GAS7: variants seen among roughly 807,000 people sequenced by gnomAD.
GAS7 encodes the protein growth arrest specific 7.
Under a neutral mutation model 71.1 loss-of-function variants are expected in GAS7, and 28 were observed. That is an observed-to-expected ratio of 0.39 (90% CI 0.29 to 0.54). The LOEUF (loss-of-function observed/expected upper bound fraction) is 0.54. GAS7 is among the 20% of genes least tolerant of loss of function. GAS7 has a pLI of 0.62. For missense variants in GAS7, 436 were observed against 627.8 expected (o/e 0.69, Z 3.27); for synonymous variants, 258 against 245.8 (o/e 1.05, Z -0.46).
At chr17:9,940,906 T>C (rs558745769) in intron 7 of GAS7, among the ~76,000 whole-genome samples, 1 of 152,336 alleles carries the variant, frequency 6.6e-6, no homozygotes, top group East Asian at 1.9e-4. Flanking sequence ...ACCACCTAAG[T>C]GGTCCTCTGG....
chr17:9,946,979 T>G lies in GAS7; in HGVS notation c.530A>C (p.Asn177Thr). ...KQSKENTITINCVTFPHPDTM... is the reference protein window; with the variant it reads ...KQSKENTITITCVTFPHPDTM... ...GTCTGGGTGAGGGAACGTCACACAG[T>G]TTATCTGTAGGGCACAGAACAAGAA... The change falls in exon 6 of 14, where the codon AAC becomes ACC. Residue 177 changes from asparagine (N) to threonine (T), a missense_variant. Physicochemically the swap from Asn to Thr is moderately conservative, Grantham distance 65. Coordinates refer to ENST00000432992, the MANE Select transcript of GAS7 (RefSeq NM_201433.2). 6.2e-7 allele frequency: 1 copy of G among 1,608,450 alleles called. No homozygotes were observed. Among genetic ancestry groups the G allele is most frequent in the Non-Finnish European group, 8.5e-7 (1 of 1,175,026 alleles).
intron 1 of GAS7, among the ~76,000 whole-genome samples, chr17:10,067,165 G>T (rs997055411): frequency 3.3e-5 from 5 of 152,062 alleles, no homozygotes; most frequent in African/African-American, 1.2e-4. Flanking sequence ...GGCGGGAGTG[G>T]AGTTTCCAGC....
Position 10,025,313 on chromosome 17 carries a change from GGCCACA to G in GAS7, c.184-5422_184-5417del, listed in dbSNP as rs1414894809. Among the ~76,000 whole-genome samples the G allele has an allele frequency of 9.9e-5, 15 of 151,470 alleles. No individual in the cohort carries two copies. The East Asian group carries it at 2.7e-3, about 27-fold the overall frequency. On this transcript the variant is annotated intron_variant, in intron 1 of 13. Coordinates refer to ENST00000432992, the MANE Select transcript of GAS7 (RefSeq NM_201433.2). Reference sequence around the variant, plus strand: ...CTTCTATCCAGTTACCTTAAAGTTGGGCCACATCTCTCCCCAGCTACACCTACTCAG... The same window carrying G: ...CTTCTATCCAGTTACCTTAAAGTTGGTCTCTCCCCAGCTACACCTACTCAG...
chr17:10,072,355 C>A (rs1321904450), intron 1 of GAS7, among the ~76,000 whole-genome samples: 8 of 152,196 alleles, frequency 5.3e-5, no homozygotes, highest in South Asian at 2.1e-4. Context: ...GCAGCCCCAG[C>A]TTTAACTTAG....
At chr17:9,976,766 C>CA (rs2070222844) in intron 3 of GAS7, among the ~76,000 whole-genome samples, 1 of 152,194 alleles carries the variant, frequency 6.6e-6, no homozygotes, top group Non-Finnish European at 1.5e-5. Flanking sequence ...GAAACACTCC[C>CA]ACAACCGCCC....
intron 3 of GAS7, among the ~76,000 whole-genome samples, chr17:9,970,806 C>G (rs2069929973): frequency 6.6e-6 from 1 of 152,156 alleles, no homozygotes; most frequent in Non-Finnish European, 1.5e-5. Flanking sequence ...ATTTCTGTGC[C>G]AAAGACACTC....
At chr17:10,084,522 G>A (rs920568024) in intron 1 of GAS7, among the ~76,000 whole-genome samples, 6 of 152,130 alleles carry the variant, frequency 3.9e-5, no homozygotes, top group South Asian at 2.1e-4. Context: ...GCTGGAGTGC[G>A]ATGGTGCAAT....
intron 1 of GAS7, among the ~76,000 whole-genome samples, chr17:10,035,828 T>C (rs2072735076): frequency 6.6e-6 from 1 of 152,196 alleles, no homozygotes; most frequent in Non-Finnish European, 1.5e-5. Flanking sequence ...GCTGGAAAGA[T>C]GTCTCAGCCA....
intron 1 of GAS7, among the ~76,000 whole-genome samples, chr17:10,171,025 A>G (rs966945193): frequency 2.0e-5 from 3 of 152,208 alleles, no homozygotes; most frequent in African/African-American, 4.8e-5. Flanking sequence ...GCCAAGGGCA[A>G]AAGTCCTCCT....
At chr17:9,937,115 C>T (rs1446229363) in intron 8 of GAS7, among the ~76,000 whole-genome samples, 1 of 152,222 alleles carries the variant, frequency 6.6e-6, no homozygotes, top group African/African-American at 2.4e-5. Context: ...GTTCCAGTGC[C>T]TGCTGCAGGA....
chr17:10,040,787 G>A (rs374700883), intron 1 of GAS7, among the ~76,000 whole-genome samples: 4 of 152,248 alleles, frequency 2.6e-5, no homozygotes, highest in South Asian at 2.1e-4. Flanking sequence ...CCACACACTC[G>A]CTTTTGAGGT....
intron 1 of GAS7, among the ~76,000 whole-genome samples, chr17:10,159,861 C>G (rs2142117383): frequency 6.6e-6 from 1 of 151,156 alleles, no homozygotes; most frequent in Admixed American, 6.6e-5. Flanking sequence ...TCTTGGCTCC[C>G]TGCAACCTCT....
At chr17:10,101,604 G>A (rs944629089) in intron 1 of GAS7, among the ~76,000 whole-genome samples, 2 of 152,122 alleles carry the variant, frequency 1.3e-5, no homozygotes, top group African/African-American at 4.8e-5. Flanking sequence ...CATTCATGAG[G>A]GCCAATAAAT....
chr17:9,918,161 A>G, intron 12 of GAS7, 62 bp from the exon 13 acceptor site: 1 of 1,169,924 alleles, frequency 8.5e-7, no homozygotes, highest in South Asian at 1.3e-5. Context: ...GGGTCCCCCC[A>G]CCAAGACCAC....
chr17:9,979,837 A>T (rs1207375029), intron 3 of GAS7, among the ~76,000 whole-genome samples: 3 of 151,258 alleles, frequency 2.0e-5, no homozygotes, highest in Non-Finnish European at 2.9e-5. Context: ...ACCTTGCGTC[A>T]TTCGCACTGG....
chr17:10,046,284 T>G (rs576599640), intron 1 of GAS7, among the ~76,000 whole-genome samples: 74 of 152,054 alleles, frequency 4.9e-4, no homozygotes, highest in African/African-American at 1.7e-3. Context: ...AAGAAGCATC[T>G]GACAGCTGCC....
chr17:10,020,362 G>A (rs548912599), intron 1 of GAS7, among the ~76,000 whole-genome samples: 3 of 152,158 alleles, frequency 2.0e-5, no homozygotes, highest in Non-Finnish European at 4.4e-5. Flanking sequence ...CCCACAGCCA[G>A]ATGCAAAACA....
chr17:10,130,330 A>G (rs76628128), intron 1 of GAS7, among the ~76,000 whole-genome samples: 1 of 61,752 alleles, frequency 1.6e-5, no homozygotes, highest in Non-Finnish European at 3.4e-5. Flanking sequence ...GCTATGATTT[A>G]AAAAAAAAAA....
At chr17:10,005,222 CATGT>C (rs752026980) in intron 2 of GAS7, among the ~76,000 whole-genome samples, 33,113 of 150,070 alleles carry the variant, frequency 0.22, 5,345 homozygotes, top group African/African-American at 0.47. Flanking sequence ...TGCGCGTGTG[CATGT>C]ATGTGTATGT....
Sources: gnomAD v4.1 joint callset for allele counts (sites outside exome capture counted in the v4.1 genomes callset) on GRCh38, gnomAD v4.1.1 for gene constraint, MANE v1.5 for transcripts, NCBI Gene and HGNC (gene_info 2026-07-23, HGNC 2026-07-21) for gene names.